The following OR7E24 variants were observed in gnomAD, a reference collection of about 807,000 sequenced individuals.
OR7E24 encodes the protein olfactory receptor 7E24.
For missense variants in OR7E24, 385 were observed against 410.3 expected, an observed-to-expected ratio of 0.94 and a Z score of 0.53; for synonymous variants, 130 against 157.5, an observed-to-expected ratio of 0.83 and a Z score of 1.31.
the OR7E24 span, among the ~76,000 whole-genome samples, chr19:9,232,524 G>C: frequency 7.6e-6 from 1 of 130,776 alleles, no homozygotes; most frequent in South Asian, 2.4e-4. Context: ...GGCAGCAAGA[G>C]CGAAACTCCG....
chr19:9,214,550 C>T, the OR7E24 span: 10 of 1,614,108 alleles, frequency 6.2e-6, no homozygotes, highest in Middle Eastern at 3.3e-4. Context: ...GAGTGAGGCA[C>T]CCCATGTAGG....
At chr19:9,244,756 C>A (rs1405241693), upstream of OR7E24, among the ~76,000 whole-genome samples, 1 of 152,056 alleles carries the variant, frequency 6.6e-6, no homozygotes, top group African/African-American at 2.4e-5. Context: ...ATTAAAAAAC[C>A]TTTGTAACTC....
At chr19:9,239,707 C>CTTTT in the OR7E24 span, among the ~76,000 whole-genome samples, 62 of 123,006 alleles carry the variant, frequency 5.0e-4, 2 homozygotes, top group African/African-American at 1.8e-3. Context: ...TTTTCTTTTT[C>CTTTT]TTTTTTTTTT....
chr19:9,227,444 G>A, the OR7E24 span, among the ~76,000 whole-genome samples: 1 of 151,248 alleles, frequency 6.6e-6, no homozygotes, highest in African/African-American at 2.4e-5. Flanking sequence ...TGGCCAGGCT[G>A]GTCTCAATTT....
chr19:9,213,865 C>T, the OR7E24 span: 1 of 1,463,716 alleles, frequency 6.8e-7, no homozygotes, highest in Admixed American at 1.7e-5. Context: ...TAGGGGTACG[C>T]AGTGTGTCCT....
At chr19:9,238,613 A>G in the OR7E24 span, among the ~76,000 whole-genome samples, 2,981 of 152,288 alleles carry the variant, frequency 0.02, 85 homozygotes, top group African/African-American at 0.068. Context: ...TAAAGTGTAA[A>G]TAGATCTCTT....
At chr19:9,214,298 T>C in the OR7E24 span, 1 of 1,613,950 alleles carries the variant, frequency 6.2e-7, no homozygotes, top group African/African-American at 1.3e-5. Context: ...CCTGAGCCGG[T>C]TCACAGAAGA....
the OR7E24 span, among the ~76,000 whole-genome samples, chr19:9,216,085 T>C: frequency 5.3e-5 from 8 of 152,160 alleles, no homozygotes; most frequent in Admixed American, 5.2e-4. Flanking sequence ...TCATGAGACT[T>C]ACTCACTATC....
chr19:9,221,920 C>A, the OR7E24 span, among the ~76,000 whole-genome samples: 1 of 152,250 alleles, frequency 6.6e-6, no homozygotes, highest in South Asian at 2.1e-4. Flanking sequence ...AGGTTTTCCT[C>A]TTTTGTTATT....
Position 9,251,769 on chromosome 19 carries a change from C to G in OR7E24, c.726C>G (p.Pro242=). 6.2e-7 allele frequency: 1 copy of G among 1,611,530 alleles called. No individual in the cohort carries two copies. Among genetic ancestry groups the G allele is most frequent in the Non-Finnish European group, 8.5e-7 (1 of 1,178,718 alleles). ...TCTCTTACTATAAAATTGTTTCCCCCATTCTGAGAGTTCCAACATCAGATG... is the reference window on the plus strand; with the variant it reads ...TCTCTTACTATAAAATTGTTTCCCCGATTCTGAGAGTTCCAACATCAGATG... ...ILFSYYKIVS[P]ILRVPTSDGK... is the part of the protein sequence containing the mutation. The change falls in exon 1 of 1, where the codon CCC becomes CCG. Residue 242 remains proline, a synonymous_variant. Coordinates refer to ENST00000456448, the MANE Select transcript of OR7E24 (RefSeq NM_001079935.2).
At chr19:9,222,419 T>G in the OR7E24 span, among the ~76,000 whole-genome samples, 8 of 152,342 alleles carry the variant, frequency 5.3e-5, no homozygotes, top group African/African-American at 1.9e-4. Flanking sequence ...TAGCAATTCT[T>G]CCAGTTCATG....
chr19:9,212,580 G>C, the OR7E24 span: 2 of 152,038 alleles, frequency 1.3e-5, no homozygotes, highest in African/African-American at 4.8e-5. Context: ...AGGGGTTTGT[G>C]CTCCCAGATT....
the OR7E24 span, among the ~76,000 whole-genome samples, chr19:9,232,925 T>C: frequency 2.6e-5 from 4 of 152,058 alleles, no homozygotes; most frequent in Non-Finnish European, 5.9e-5. Context: ...AACGTAAAAT[T>C]ACCTACATGA....
chr19:9,246,466 T>TGGTGTGTGTGTGTGTGTG (rs1555720675), upstream of OR7E24, among the ~76,000 whole-genome samples: 2 of 130,986 alleles, frequency 1.5e-5, no homozygotes, highest in African/African-American at 6.1e-5. Flanking sequence ...CTTAAAGGTA[T>TGGTGTGTGTGTGTGTGTG]TGTGTGTGTG....
chr19:9,251,728 A>T lies in OR7E24; in HGVS notation c.685A>T (p.Ile229Phe), dbSNP rs752074260. Residue 229 changes from isoleucine to phenylalanine, a missense_variant, in exon 1 of 1, where the codon ATC becomes TTC. Physicochemically the swap from Ile to Phe is conservative, Grantham distance 21 (BLOSUM62 0). Transcript: ENST00000456448. ...GGGTGCCATATTTGGCTGTCTCCCTATCTCAGGGATCCTTTTCTCTTACTA... is the reference window on the plus strand; with the variant it reads ...GGGTGCCATATTTGGCTGTCTCCCTTTCTCAGGGATCCTTTTCTCTTACTA... The part of the protein sequence containing the change: ...FMGAIFGCLP[I>F]SGILFSYYKI... 1.2e-6 allele frequency: 2 copies of T among 1,612,724 alleles called. No individual in the cohort carries two copies. Among genetic ancestry groups the T allele is most frequent in the Non-Finnish European group, 1.7e-6 (2 of 1,179,212 alleles).
the OR7E24 span, among the ~76,000 whole-genome samples, chr19:9,224,656 T>G: frequency 6.6e-6 from 1 of 151,998 alleles, no homozygotes; most frequent in Non-Finnish European, 1.5e-5. Context: ...TCCTAGCTAC[T>G]TGGGAGGCTG....
the OR7E24 span, chr19:9,206,867 T>G: frequency 6.6e-6 from 1 of 152,176 alleles, no homozygotes; most frequent in Non-Finnish European, 1.5e-5. Context: ...AACCTTGGCT[T>G]TTATTGACCT....
the OR7E24 span, among the ~76,000 whole-genome samples, chr19:9,217,881 ATCT>A: frequency 2.6e-5 from 4 of 152,234 alleles, no homozygotes; most frequent in East Asian, 3.9e-4. Flanking sequence ...GAAAGGGTAA[ATCT>A]TCTAGGCTGA....
the OR7E24 span, among the ~76,000 whole-genome samples, chr19:9,232,538 CAAAAAAAAAAAAA>C: frequency 3.5e-4 from 22 of 62,554 alleles, 1 homozygote; most frequent in East Asian, 9.8e-3. Flanking sequence ...AACTCCGTCG[CAAAAAAAAAAAAA>C]AAAAAAAAAG....
Sources: gnomAD v4.1 joint callset for allele counts (sites outside exome capture counted in the v4.1 genomes callset) on GRCh38, gnomAD v4.1.1 for gene constraint, MANE v1.5 for transcripts, NCBI Gene and HGNC (gene_info 2026-07-23, HGNC 2026-07-21) for gene names.